The following FCHO2 variants were observed in gnomAD, a reference collection of about 807,000 sequenced individuals.
FCHO2 encodes the protein F-BAR domain only protein 2.
A neutral mutation model predicts 114.1 loss-of-function variants in FCHO2; 43 were observed. That is an observed-to-expected ratio of 0.38 (90% CI 0.30 to 0.49). The LOEUF is 0.49. FCHO2 is among the 20% of genes least tolerant of loss of function. The pLI is 0.97. For synonymous variants in FCHO2, 293 were observed against 315.2 expected (o/e 0.93, Z 0.75); for missense variants, 807 against 950.4 (o/e 0.85, Z 1.98).
chr5:72,960,388 A>G (rs1751792161), intron 1 of FCHO2, among the ~76,000 whole-genome samples: 1 of 152,218 alleles, frequency 6.6e-6, no homozygotes, highest in Non-Finnish European at 1.5e-5. Context: ...GTATAGCACC[A>G]TTGATAATCA....
chr5:72,983,514 G>A (rs1753344731), intron 2 of FCHO2, among the ~76,000 whole-genome samples: 1 of 149,752 alleles, frequency 6.7e-6, no homozygotes. Context: ...TACATATGTG[G>A]CACCATGCCC....
chr5:72,987,643 G>A (rs1450020698), intron 2 of FCHO2, among the ~76,000 whole-genome samples: 1 of 152,110 alleles, frequency 6.6e-6, no homozygotes, highest in Non-Finnish European at 1.5e-5. Context: ...TGGCTGATTA[G>A]GGATGTTTAA....
intron 2 of FCHO2, among the ~76,000 whole-genome samples, chr5:72,972,369 T>G (rs990326869): frequency 6.6e-6 from 1 of 152,070 alleles, no homozygotes; most frequent in Non-Finnish European, 1.5e-5. Flanking sequence ...TATCCTCTTT[T>G]ATTTCCTTGA....
At chr5:72,987,097 C>T (rs1356658591) in intron 2 of FCHO2, among the ~76,000 whole-genome samples, 1 of 151,582 alleles carries the variant, frequency 6.6e-6, no homozygotes, top group South Asian at 2.1e-4. Flanking sequence ...AGGATGGTCT[C>T]GATCTCCTGA....
chr5:73,002,432 C>A (rs1385130277), intron 5 of FCHO2, among the ~76,000 whole-genome samples: 1 of 152,130 alleles, frequency 6.6e-6, no homozygotes, highest in Non-Finnish European at 1.5e-5. Context: ...TCCATGTAGT[C>A]ATCCTTTATT....
At chr5:72,997,247 CA>C in intron 5 of FCHO2, 1 of 1,160,078 alleles carries the variant, frequency 8.6e-7, no homozygotes, top group South Asian at 1.2e-5. Flanking sequence ...TTAGAGGCCC[CA>C]TGTGGATTTC....
In FCHO2 at chr5:72,956,258, C is replaced by T. The variant is rs959265880; in HGVS notation, c.33+129C>T. The T allele has an allele frequency of 5.5e-6, 7 of 1,281,396 alleles. No individual in the cohort carries two copies. In the Admixed American group the frequency reaches 8.6e-5, roughly 16 times the overall value. 79.4% of individuals were successfully genotyped at this position (1,281,396 alleles called of 1,614,324 possible). A position where few individuals can be genotyped will look rare whatever the true frequency, so the allele number is the denominator to read the frequency against. On this transcript the variant is annotated intron_variant, in intron 1 of 25. Coordinates refer to ENST00000430046, the MANE Select transcript of FCHO2 (RefSeq NM_138782.3). Reference sequence around the variant, plus strand: ...GGGCGAGCGTCCTCCTGCCGCGTCCCGCCTGGGTGAGGTCCGGCGGGCGAC... The same window carrying T: ...GGGCGAGCGTCCTCCTGCCGCGTCCTGCCTGGGTGAGGTCCGGCGGGCGAC...
At chr5:73,029,853 C>T (rs1756135484) in intron 8 of FCHO2, among the ~76,000 whole-genome samples, 1 of 152,128 alleles carries the variant, frequency 6.6e-6, no homozygotes, top group African/African-American at 2.4e-5. Flanking sequence ...CATGAAAGAT[C>T]CTCCTGCATG....
At chr5:72,995,438 T>C (rs1370899199) in intron 5 of FCHO2, among the ~76,000 whole-genome samples, 1 of 152,066 alleles carries the variant, frequency 6.6e-6, no homozygotes, top group Non-Finnish European at 1.5e-5. Flanking sequence ...GTGTTTTTAG[T>C]AGAGATGGGG....
At chr5:73,079,507 G>A (rs947879690) in intron 22 of FCHO2, among the ~76,000 whole-genome samples, 2 of 152,086 alleles carry the variant, frequency 1.3e-5, no homozygotes, top group Non-Finnish European at 2.9e-5. Context: ...TAGCAAGCTA[G>A]ACACTTGAGA....
chr5:73,053,036 TC>T (rs1480858801), intron 13 of FCHO2, among the ~76,000 whole-genome samples: 4 of 152,176 alleles, frequency 2.6e-5, no homozygotes, highest in Admixed American at 2.6e-4. Flanking sequence ...TAAAACATTA[TC>T]CCAGTAAATT....
intron 1 of FCHO2, among the ~76,000 whole-genome samples, chr5:72,961,742 G>C (rs969594614): frequency 6.6e-6 from 1 of 152,042 alleles, no homozygotes; most frequent in Non-Finnish European, 1.5e-5. Context: ...TTACCGGCAT[G>C]CACCACCATG....
chr5:73,029,891 C>G (rs1362274951), intron 8 of FCHO2, among the ~76,000 whole-genome samples: 1 of 152,196 alleles, frequency 6.6e-6, no homozygotes, highest in Non-Finnish European at 1.5e-5. Flanking sequence ...TAGGCCCCAC[C>G]TCCCACGTGG....
chr5:73,045,455 G>A (rs562660526), intron 11 of FCHO2, among the ~76,000 whole-genome samples: 5 of 152,294 alleles, frequency 3.3e-5, no homozygotes, highest in Admixed American at 1.3e-4. Context: ...TTGCTGAGTA[G>A]TAGTCCCTGT....
At chr5:72,983,061 C>T (rs907154802) in intron 2 of FCHO2, among the ~76,000 whole-genome samples, 3 of 151,718 alleles carry the variant, frequency 2.0e-5, no homozygotes, top group African/African-American at 4.8e-5. Context: ...CTACAGGCAC[C>T]CGCCACCACA....
chr5:73,077,251 C>T (rs1049127044), intron 20 of FCHO2, 87 bp from the exon 21 acceptor site: 16 of 1,199,438 alleles, frequency 1.3e-5, no homozygotes, highest in African/African-American at 1.2e-4. Context: ...TGTGTGCGCA[C>T]GTGCACGCGT....
rs116036984 is a variant in FCHO2 at position 73,059,803 on chromosome 5, A to C, written c.1345+1279A>C. On this transcript the variant is annotated intron_variant, in intron 17 of 25. Coordinates refer to ENST00000430046, the MANE Select transcript of FCHO2 (RefSeq NM_138782.3). Reference sequence around the variant, plus strand: ...CATTTGTTACTATTTAGTATTATAAAATTAACCATATATATATTATATGAA... The same window carrying C: ...CATTTGTTACTATTTAGTATTATAACATTAACCATATATATATTATATGAA... Among the ~76,000 whole-genome samples the C allele has an allele frequency of 3.6e-3, 544 of 151,998 alleles. 5 individuals carry two copies. The highest frequency in any genetic ancestry group is 0.013 in the African/African-American group (529 of 41,522).
intron 8 of FCHO2, chr5:73,020,789 C>T (rs2112756693): frequency 1.1e-6 from 1 of 950,644 alleles, no homozygotes. Flanking sequence ...CTGTCCCCAT[C>T]CTGATCAGCC....
intron 5 of FCHO2, among the ~76,000 whole-genome samples, chr5:73,000,664 A>G (rs560601164): frequency 8.6e-5 from 13 of 151,544 alleles, no homozygotes; most frequent in African/African-American, 2.9e-4. Flanking sequence ...AATCCCAGCT[A>G]CTCGGGAGGC....
Sources: allele counts gnomAD v4.1 joint callset (sites outside exome capture counted in the v4.1 genomes callset), GRCh38; gene constraint gnomAD v4.1.1; transcripts MANE v1.5; gene names NCBI Gene and HGNC (gene_info 2026-07-23, HGNC 2026-07-21).